The following PCDHA9 variants were observed in gnomAD, a reference collection of about 807,000 sequenced individuals.
PCDHA9 encodes protocadherin alpha 9.
PCDHA9 carries 62 observed loss-of-function variants against 62.0 expected under a neutral mutation model. The observed-to-expected ratio is 1.00, with a 90% confidence interval of 0.81 to 1.23. PCDHA9 has a LOEUF of 1.23. PCDHA9 is among the 50% of genes most tolerant of loss of function. The pLI, the probability that PCDHA9 is intolerant of heterozygous loss-of-function variation, is 0.00. For missense variants in PCDHA9, 1,205 were observed against 1,249.8 expected (o/e 0.96, Z 0.54); for synonymous variants, 557 against 567.6 (o/e 0.98, Z 0.27).
intron 3 of PCDHA9, among the ~76,000 whole-genome samples, chr5:140,985,577 G>GC (rs1195077647): frequency 6.6e-6 from 1 of 152,116 alleles, no homozygotes; most frequent in Non-Finnish European, 1.5e-5. Flanking sequence ...TGGTGCCTAA[G>GC]CCTCCTTATA....
At chr5:140,967,876 G>C (rs369514758) in intron 1 of PCDHA9, 1 of 1,614,144 alleles carries the variant, frequency 6.2e-7, no homozygotes, top group Non-Finnish European at 8.5e-7. Flanking sequence ...TCACGGACCT[G>C]TATAGCCCAG....
intron 3 of PCDHA9, among the ~76,000 whole-genome samples, chr5:140,988,180 G>C (rs2097285964): frequency 1.3e-5 from 2 of 152,134 alleles, no homozygotes; most frequent in Admixed American, 1.3e-4. Context: ...TGACAGTCCT[G>C]GGAGGTGTGT....
intron 1 of PCDHA9, among the ~76,000 whole-genome samples, chr5:140,923,098 A>C (rs1003952878): frequency 5.9e-5 from 9 of 152,184 alleles, no homozygotes; most frequent in Non-Finnish European, 1.0e-4. Context: ...GACCAATGGG[A>C]GTATGATTTT....
At chr5:140,944,385 C>T (rs1273075803) in intron 1 of PCDHA9, among the ~76,000 whole-genome samples, 4 of 152,092 alleles carry the variant, frequency 2.6e-5, no homozygotes, top group Non-Finnish European at 5.9e-5. Flanking sequence ...TGGAGTCTCA[C>T]TGTGTTATCC....
At chr5:140,860,712 GA>G (rs1321036052) in intron 1 of PCDHA9, 1 of 152,188 alleles carries the variant, frequency 6.6e-6, no homozygotes, top group African/African-American at 2.4e-5. Flanking sequence ...TGTTCTCCAT[GA>G]AAAGTTTTTT....
chr5:140,886,095 T>C (rs1229514130), intron 1 of PCDHA9, among the ~76,000 whole-genome samples: 2 of 152,200 alleles, frequency 1.3e-5, no homozygotes, highest in Non-Finnish European at 2.9e-5. Flanking sequence ...ATATTGACAT[T>C]GATACAGTAA....
intron 1 of PCDHA9, among the ~76,000 whole-genome samples, chr5:140,905,180 TAA>T (rs2071657008): frequency 6.6e-6 from 1 of 152,224 alleles, no homozygotes; most frequent in Non-Finnish European, 1.5e-5. Flanking sequence ...GTTTTAGATT[TAA>T]GTCTTTGATC....
intron 1 of PCDHA9, chr5:140,871,192 G>C (rs1582019516): frequency 6.2e-7 from 1 of 1,613,550 alleles, no homozygotes; most frequent in Non-Finnish European, 8.5e-7. Context: ...GGATGTCAAC[G>C]TGTACCTGAT....
At chr5:140,936,577 A>G (rs776415020) in intron 1 of PCDHA9, among the ~76,000 whole-genome samples, 1 of 152,186 alleles carries the variant, frequency 6.6e-6, no homozygotes, top group Non-Finnish European at 1.5e-5. Flanking sequence ...TCCACTTGTA[A>G]ATCCAGTTAG....
chr5:140,857,527 G>T (rs147361555), intron 1 of PCDHA9: 13 of 1,597,684 alleles, frequency 8.1e-6, no homozygotes, highest in Non-Finnish European at 1.1e-5. Flanking sequence ...CCTACTCTCT[G>T]GTGGAGCGGC....
intron 1 of PCDHA9, among the ~76,000 whole-genome samples, chr5:140,977,637 T>C (rs1440093548): frequency 6.6e-6 from 1 of 152,228 alleles, no homozygotes; most frequent in Non-Finnish European, 1.5e-5. Flanking sequence ...TAACTTTTTC[T>C]GGGCCTTGAC....
chr5:140,882,542 C>A, intron 1 of PCDHA9: 5 of 1,614,166 alleles, frequency 3.1e-6, no homozygotes, highest in Non-Finnish European at 3.4e-6. Context: ...TCGGATCGAC[C>A]GCGAGGAGCT....
At chr5:140,952,885 A>G (rs1285549724) in intron 1 of PCDHA9, among the ~76,000 whole-genome samples, 1 of 152,174 alleles carries the variant, frequency 6.6e-6, no homozygotes, top group Non-Finnish European at 1.5e-5. Flanking sequence ...TCATGGTGGA[A>G]GGCAAAGGGG....
intron 1 of PCDHA9, among the ~76,000 whole-genome samples, chr5:140,962,940 A>G (rs1441801947): frequency 1.3e-5 from 2 of 152,186 alleles, no homozygotes; most frequent in African/African-American, 4.8e-5. Context: ...CCTCCTCTCC[A>G]TAAGATATGC....
chr5:140,867,064 T>C (rs890190808), intron 1 of PCDHA9: 7 of 152,176 alleles, frequency 4.6e-5, no homozygotes, highest in Admixed American at 1.3e-4. Flanking sequence ...CTACTTTATA[T>C]ATTCACAAAA....
At chr5:140,968,437 A>G (rs1267054987) in intron 1 of PCDHA9, 2 of 1,614,072 alleles carry the variant, frequency 1.2e-6, no homozygotes, top group Admixed American at 3.3e-5. Context: ...AGGGGAGCCC[A>G]CCACTGAGCA....
chr5:140,906,615 T>C (rs2072789527), intron 1 of PCDHA9, among the ~76,000 whole-genome samples: 1 of 152,226 alleles, frequency 6.6e-6, no homozygotes, highest in Admixed American at 6.5e-5. Context: ...TGTATTCCCT[T>C]TGCCTTCAGC....
intron 1 of PCDHA9, chr5:140,966,644 GCGTGAGCGGT>G (rs1554228519): frequency 3.3e-5 from 37 of 1,127,012 alleles, no homozygotes; most frequent in Non-Finnish European, 4.3e-5. Flanking sequence ...GCTTTCTAGA[GCGTGAGCGGT>G]GGGGGAGCAG....
chr5:140,968,979 G>A (rs782482075), intron 1 of PCDHA9: 6 of 1,614,042 alleles, frequency 3.7e-6, no homozygotes, highest in South Asian at 3.3e-5. Context: ...ACTGCGTATG[G>A]CACTGCATGC....
Sources: allele counts gnomAD v4.1 joint callset (sites outside exome capture counted in the v4.1 genomes callset), GRCh38; gene constraint gnomAD v4.1.1; transcripts MANE v1.5; gene names NCBI Gene and HGNC (gene_info 2026-07-23, HGNC 2026-07-21).